Variants in RIPOR3 observed in about 807,000 individuals in gnomAD.
RIPOR3 encodes RIPOR family member 3.
A neutral mutation model predicts 114.3 loss-of-function variants in RIPOR3; 95 were observed. The ratio of observed to expected loss-of-function variants is 0.83; its 90% CI spans 0.70 to 0.99. The LOEUF is 0.99. RIPOR3 is among the 50% of genes least tolerant of loss of function. The pLI is 0.00. For missense variants in RIPOR3, 1,252 were observed against 1,266.9 expected (o/e 0.99, Z 0.18); for synonymous variants, 575 against 543.8 (o/e 1.06, Z -0.80).
Position 50,602,126 on chromosome 20 carries a change from C to G in RIPOR3, c.1605G>C (p.Gln535His). The G allele has an allele frequency of 1.9e-6, 3 of 1,608,614 alleles. No individual in the cohort carries two copies. The highest frequency in any genetic ancestry group is 2.5e-6 in the Non-Finnish European group (3 of 1,177,536). The part of the protein sequence containing the change: ...LELLRPTDST[Q>H]PQLRELEYQV... ...GGTACTCCAGCTCCCGGAGCTGGGG[C>G]TGGGTGGAGTCCGTGGGCCTCAGCA... The change falls in exon 13 of 22, where the codon CAG becomes CAC. Residue 535 changes from glutamine (Q) to histidine (H), a missense_variant. By Grantham distance (24) the Gln-to-His change is conservative. Transcript: ENST00000327979. The surrounding 1 kb of genome is among the most constrained non-coding windows in gnomAD (Gnocchi z 4.3).
Position 50,609,597 on chromosome 20 carries a change from G to A in RIPOR3, c.552C>T (p.Gly184=). 1 of 1,416,846 alleles carries A rather than the reference G, an allele frequency of 7.1e-7. No individual in the cohort carries two copies. The highest frequency in any genetic ancestry group is 9.2e-7 in the Non-Finnish European group (1 of 1,089,316). 87.8% of individuals were successfully genotyped at this position (1,416,846 alleles called of 1,614,324 possible). A position where few individuals can be genotyped will look rare whatever the true frequency, so the allele number is the denominator to read the frequency against. The stretch of plus-strand genomic sequence containing the variant: ...CCTCGGCGCACTCGTGCAGGCTGCG[G>A]CCCAGCTCCTGCAGGCTCTCTCGGG... ...RAARESLQEL[G]RSLHECAEDM... is the part of the protein sequence containing the mutation. The change falls in exon 7 of 22, where the codon GGC becomes GGT. Residue 184 remains glycine (G), a synonymous_variant. Coordinates refer to ENST00000327979, the MANE Select transcript of RIPOR3 (RefSeq NM_001290268.2).
At chr20:50,590,118 T>C (rs1168129524) in intron 19 of RIPOR3, 1 of 277,502 alleles carries the variant, frequency 3.6e-6, no homozygotes, top group Non-Finnish European at 7.2e-6. Flanking sequence ...GATCATCCCA[T>C]GTGCGTTGCC....
chr20:50,624,008 G>GTT (rs147642297), intron 2 of RIPOR3, among the ~76,000 whole-genome samples: 6 of 151,910 alleles, frequency 3.9e-5, no homozygotes, highest in South Asian at 2.1e-4. Context: ...AGTAATTTTT[G>GTT]TTTTTTTTAG....
chr20:50,653,292 C>T (rs2085682632), intron 1 of RIPOR3: 1 of 151,908 alleles, frequency 6.6e-6, no homozygotes, highest in Non-Finnish European at 1.5e-5. Context: ...TCAGTCATTG[C>T]CAGAAGTTGA....
chr20:50,639,796 G>A (rs1410378551), intron 1 of RIPOR3, among the ~76,000 whole-genome samples: 4 of 152,140 alleles, frequency 2.6e-5, no homozygotes, highest in African/African-American at 7.2e-5. Context: ...TAAGGGACAC[G>A]CAGAGTGGGG....
intron 1 of RIPOR3, among the ~76,000 whole-genome samples, chr20:50,637,617 G>A (rs1234898665): frequency 6.6e-6 from 1 of 152,186 alleles, no homozygotes; most frequent in African/African-American, 2.4e-5. Flanking sequence ...GCTCACGCCT[G>A]TAATCCCAGC....
intron 1 of RIPOR3, among the ~76,000 whole-genome samples, chr20:50,664,703 T>C (rs2086121362): frequency 6.6e-6 from 1 of 152,078 alleles, no homozygotes; most frequent in African/African-American, 2.4e-5. Flanking sequence ...GTGGGAGATA[T>C]TGGTTGCTTT....
At chr20:50,621,783 C>T (rs1326371929) in intron 2 of RIPOR3, among the ~76,000 whole-genome samples, 2 of 152,204 alleles carry the variant, frequency 1.3e-5, no homozygotes, top group Admixed American at 6.5e-5. Flanking sequence ...TTTGCAGTTA[C>T]ATGAGCCAAC....
At chr20:50,594,941 C>T (rs1171559808) in intron 16 of RIPOR3, 1 of 540,844 alleles carries the variant, frequency 1.8e-6, no homozygotes, top group East Asian at 3.0e-5. Context: ...GGAGGGGCTG[C>T]TGTCACCAGC....
At chr20:50,643,294 G>T (rs1369113036) in intron 1 of RIPOR3, among the ~76,000 whole-genome samples, 1 of 133,886 alleles carries the variant, frequency 7.5e-6, no homozygotes, top group Admixed American at 7.5e-5. Context: ...GCTAATTTTT[G>T]TGTGTGTTTT....
intron 20 of RIPOR3, among the ~76,000 whole-genome samples, chr20:50,589,413 C>T (rs1300770917): frequency 6.6e-5 from 10 of 151,878 alleles, no homozygotes; most frequent in South Asian, 4.2e-4. Flanking sequence ...GTTCAAGTCC[C>T]GAGTAGCTGG....
At chr20:50,627,335 T>C (rs1200029480) in intron 2 of RIPOR3, among the ~76,000 whole-genome samples, 3 of 131,620 alleles carry the variant, frequency 2.3e-5, no homozygotes, top group African/African-American at 6.6e-5. Context: ...ACCCTGTCTC[T>C]ACTAAAAATA....
Position 50,620,945 on chromosome 20 carries a change from G to A in RIPOR3, c.123-813C>T, listed in dbSNP as rs1600597422. The A allele has an allele frequency of 9.4e-6, 5 of 529,608 alleles. No individual in the cohort carries two copies. The East Asian group carries it at 1.8e-4, about 19-fold the overall frequency. 32.8% of individuals were successfully genotyped at this position (529,608 alleles called of 1,614,324 possible). A position where few individuals can be genotyped will look rare whatever the true frequency, so the allele number is the denominator to read the frequency against. On this transcript the variant is annotated intron_variant, in intron 2 of 21. Coordinates refer to ENST00000327979, the MANE Select transcript of RIPOR3 (RefSeq NM_001290268.2). ...GCAGCATGCTATGGAGTTACTGAAG[G>A]TCTCCAAGGACAAACAGGCCCTCAA...
chr20:50,620,718 T>G (rs1459963352), intron 2 of RIPOR3: 2 of 389,714 alleles, frequency 5.1e-6, no homozygotes, highest in African/African-American at 4.2e-5. Context: ...AGAAGAGTAA[T>G]AAAGCTTTTC....
chr20:50,686,472 G>A (rs962079351), intron 1 of RIPOR3, among the ~76,000 whole-genome samples: 3 of 152,072 alleles, frequency 2.0e-5, no homozygotes, highest in African/African-American at 7.2e-5. Flanking sequence ...CTTGGGGCCG[G>A]GCATGGTGGT....
chr20:50,635,482 G>A (rs1273174437), intron 1 of RIPOR3, among the ~76,000 whole-genome samples: 1 of 151,976 alleles, frequency 6.6e-6, no homozygotes, highest in Non-Finnish European at 1.5e-5. Context: ...AGTGAGACCC[G>A]GTCCCCACAA....
chr20:50,608,929 G>C lies in RIPOR3; in HGVS notation c.667C>G (p.Pro223Ala), dbSNP rs778217323. Residue 223 changes from proline to alanine, a missense_variant, in exon 9 of 22, where the codon CCC becomes GCC. Transcript: ENST00000327979. Reference protein sequence around the residue: ...KGLVGYARLCPGDHYEVLMRL... With the variant: ...KGLVGYARLCAGDHYEVLMRL... ...GGCCGTACCTCATAGTGGTCTCCGG[G>C]ACAGAGGCGTGCGTAGCCCACCAAG... 4 of 1,591,196 alleles carry C rather than the reference G, an allele frequency of 2.5e-6. No individual in the cohort carries two copies. The South Asian group carries it at 4.5e-5, about 18-fold the overall frequency.
At chr20:50,678,932 C>A (rs2086762955) in intron 1 of RIPOR3, among the ~76,000 whole-genome samples, 1 of 150,394 alleles carries the variant, frequency 6.6e-6, no homozygotes, top group Non-Finnish European at 1.5e-5. Context: ...AGTGAGACTT[C>A]ATCTCTACAA....
rs145203550 is a variant in RIPOR3, at chr20:50,618,465, G to A, written c.269+1521C>T. On this transcript the variant is annotated intron_variant, in intron 3 of 21. Coordinates refer to ENST00000327979, the MANE Select transcript of RIPOR3 (RefSeq NM_001290268.2). ...CTAGCCACGCTGGCCTCCTTGCTGC[G>A]CCCCAGGGCCTTTGTGTATGTGGCT... 7.9e-5 allele frequency among the ~76,000 whole-genome samples: 12 copies of A among 152,064 alleles called. No individual in the cohort carries two copies. In the East Asian group the frequency reaches 1.2e-3, roughly 15 times the overall value.
Sources: allele counts gnomAD v4.1 joint callset (sites outside exome capture counted in the v4.1 genomes callset), GRCh38; gene constraint gnomAD v4.1.1; non-coding constraint Gnocchi (gnomAD v3.1); transcripts MANE v1.5; gene names NCBI Gene and HGNC (gene_info 2026-07-23, HGNC 2026-07-21).